Variants in RALGAPB observed in about 807,000 individuals in gnomAD.
RALGAPB encodes ral GTPase-activating protein subunit beta.
In RALGAPB, 25 loss-of-function variants were observed where a neutral mutation model predicts 161.1. The ratio of observed to expected loss-of-function variants is 0.16; its 90% confidence interval spans 0.11 to 0.22. The LOEUF (loss-of-function observed/expected upper bound fraction) is 0.22, where lower values mean the gene tolerates loss of function less well. RALGAPB is among the 10% of genes least tolerant of loss of function. The pLI, the probability that RALGAPB is intolerant of heterozygous loss-of-function variation, is 1.00. For synonymous variants in RALGAPB, 629 were observed against 626.1 expected (o/e 1.00, Z -0.07); for missense variants, 1,391 against 1,815.2 (o/e 0.77, Z 4.25).
At chr20:38,521,808 T>A (rs2086299013) in intron 10 of RALGAPB, 110 bp downstream of exon 10, 3 of 1,104,910 alleles carry the variant, frequency 2.7e-6, no homozygotes, top group Non-Finnish European at 3.9e-6. Flanking sequence ...CCTACAGATG[T>A]CTGTAAGTGA....
chr20:38,539,463 G>A (rs888334672), intron 16 of RALGAPB, among the ~76,000 whole-genome samples: 1 of 152,150 alleles, frequency 6.6e-6, no homozygotes, highest in African/African-American at 2.4e-5. Flanking sequence ...GTTGGGTTAG[G>A]GGTTTAAAAA....
chr20:38,490,710 G>A (rs1484123023), intron 2 of RALGAPB, among the ~76,000 whole-genome samples: 1 of 148,828 alleles, frequency 6.7e-6, no homozygotes, highest in Non-Finnish European at 1.5e-5. Flanking sequence ...GGGTTTCTCT[G>A]TGTTGGCCAG....
chr20:38,474,034 G>C (rs889931930), intron 1 of RALGAPB, among the ~76,000 whole-genome samples: 1 of 152,218 alleles, frequency 6.6e-6, no homozygotes. Context: ...TACACCTTGT[G>C]AAAGACTGTT....
chr20:38,474,107 T>C (rs1385970052), intron 1 of RALGAPB, among the ~76,000 whole-genome samples: 1 of 152,200 alleles, frequency 6.6e-6, no homozygotes, highest in Non-Finnish European at 1.5e-5. Context: ...ATGCATCTTA[T>C]GCAAACTGCT....
chr20:38,537,143 A>C (rs1205796443), intron 16 of RALGAPB, among the ~76,000 whole-genome samples: 1 of 152,196 alleles, frequency 6.6e-6, no homozygotes, highest in Non-Finnish European at 1.5e-5. Context: ...TGGTATTGGC[A>C]TAGGGGTGGA....
intron 24 of RALGAPB, among the ~76,000 whole-genome samples, chr20:38,563,748 T>A (rs974805664): frequency 5.3e-5 from 8 of 152,250 alleles, no homozygotes; most frequent in Admixed American, 2.0e-4. Flanking sequence ...AGATAATTTA[T>A]TGCCCATGTA....
At chr20:38,572,011 C>G (rs1036828240) in intron 28 of RALGAPB, among the ~76,000 whole-genome samples, 1 of 151,968 alleles carries the variant, frequency 6.6e-6, no homozygotes, top group Non-Finnish European at 1.5e-5. Context: ...TGCTATTTTA[C>G]ATTTATCTAG....
Position 38,493,125 on chromosome 20 carries a change from G to A in RALGAPB, c.382G>A (p.Val128Ile), listed in dbSNP as rs2085324883. ...ACTAAAACACCTACAGAATCTTTTT[G>A]TACCAAGGTAAGCTATACCTGTCTA... ...TILKHLQNLF[V>I]PRQEQGSSQI... Residue 128 changes from valine (V) to isoleucine (I), a missense_variant, in exon 3 of 30, where the codon GTA (valine) becomes ATA (isoleucine). By Grantham distance (29) the Val-to-Ile change is conservative (BLOSUM62 3). This residue lies in a region of RALGAPB where 946 missense variants were observed against 1,257.2 expected (regional missense o/e 0.75). Transcript: ENST00000262879. 3.1e-6 allele frequency: 5 copies of A among 1,599,050 alleles called. No individual in the cohort carries two copies. Among genetic ancestry groups the A allele is most frequent in the South Asian group, 1.1e-5 (1 of 90,656 alleles).
intron 23 of RALGAPB, among the ~76,000 whole-genome samples, chr20:38,558,668 A>G (rs1265744480): frequency 6.6e-6 from 1 of 152,184 alleles, no homozygotes; most frequent in Non-Finnish European, 1.5e-5. Context: ...CAATTACAAA[A>G]GTTGTTTTTC....
At chr20:38,553,794 A>AAC (rs1437500834) in intron 21 of RALGAPB, 73 bp from the exon 22 acceptor site, 10 of 887,822 alleles carry the variant, frequency 1.1e-5, no homozygotes, top group African/African-American at 3.3e-5. Flanking sequence ...AAAAAAAAAA[A>AAC]AAAAAAACAC....
Position 38,563,428 on chromosome 20 carries a change from A to G in RALGAPB, c.3697+731A>G, listed in dbSNP as rs543795987. Among the ~76,000 whole-genome samples, 6 of 152,364 alleles carry G rather than the reference A, an allele frequency of 3.9e-5. No individual in the cohort carries two copies. The East Asian group carries it at 1.2e-3, about 29-fold the overall frequency. ...TTAAAGGTTATATTCTTGGGATATT[A>G]TACCAAAACCTTTGTAGTAAACAGC... On this transcript the variant is annotated intron_variant, in intron 24 of 29. Coordinates refer to ENST00000262879, the MANE Select transcript of RALGAPB (RefSeq NM_020336.4).
chr20:38,507,400 T>G (rs545077239), intron 5 of RALGAPB, among the ~76,000 whole-genome samples: 49 of 152,242 alleles, frequency 3.2e-4, no homozygotes, highest in African/African-American at 1.2e-3. Context: ...TGAGGCAGGG[T>G]CTTGCTTTGT....
chr20:38,568,283 C>A (rs1194656252), intron 26 of RALGAPB, among the ~76,000 whole-genome samples: 1 of 151,586 alleles, frequency 6.6e-6, no homozygotes, highest in Non-Finnish European at 1.5e-5. Flanking sequence ...CAAAGCAAAA[C>A]CATATGGTTA....
intron 25 of RALGAPB, among the ~76,000 whole-genome samples, chr20:38,565,890 A>G (rs1454462681): frequency 1.3e-5 from 2 of 152,194 alleles, no homozygotes; most frequent in Non-Finnish European, 2.9e-5. Context: ...GCATATGGCC[A>G]TTCTTCTAAC....
intron 1 of RALGAPB, among the ~76,000 whole-genome samples, chr20:38,487,859 G>A (rs941161466): frequency 5.9e-5 from 9 of 152,146 alleles, no homozygotes; most frequent in African/African-American, 2.2e-4. Context: ...CTGAGGTCGG[G>A]AGTTCGAGAC....
intron 7 of RALGAPB, among the ~76,000 whole-genome samples, 158 bp from the exon 8 acceptor site, chr20:38,517,348 A>C (rs2086157341): frequency 6.6e-6 from 1 of 152,152 alleles, no homozygotes; most frequent in Non-Finnish European, 1.5e-5. Flanking sequence ...GTGTTCTGTT[A>C]CTCAGGAAGA....
intron 5 of RALGAPB, among the ~76,000 whole-genome samples, chr20:38,504,748 G>A (rs997597171): frequency 2.6e-5 from 4 of 151,822 alleles, no homozygotes; most frequent in East Asian, 1.9e-4. Context: ...AAACAACCCC[G>A]TTAAAAAACA....
intron 9 of RALGAPB, among the ~76,000 whole-genome samples, chr20:38,518,941 T>A (rs897968901): frequency 1.3e-5 from 2 of 152,222 alleles, no homozygotes. Flanking sequence ...GTCTCTGCTT[T>A]CTCTCAGAAA....
Position 38,525,879 on chromosome 20 carries a change from T to C in RALGAPB, c.1903-16T>C, listed in dbSNP as rs564323338. On this transcript the variant is annotated splice_polypyrimidine_tract_variant and intron_variant, in intron 12 of 29. Transcript: ENST00000262879. ...CTGCAACAGCTGATGTTAAATATTA[T>C]TTGTTTTTTCCATAGGTGGTCCTGG... The C allele has an allele frequency of 3.1e-6, 5 of 1,609,264 alleles. No homozygotes were observed. The Admixed American group carries it at 6.8e-5, about 22-fold the overall frequency.
Sources: gnomAD v4.1 joint callset for allele counts (sites outside exome capture counted in the v4.1 genomes callset) on GRCh38, gnomAD v4.1.1 for gene constraint, gnomAD v4.1.1 regional missense constraint, MANE v1.5 for transcripts, NCBI Gene and HGNC (gene_info 2026-07-23, HGNC 2026-07-21) for gene names.